The following DOCK5 variants were observed in gnomAD, a reference collection of about 807,000 sequenced individuals.
DOCK5 encodes dedicator of cytokinesis protein 5.
In DOCK5, 142 loss-of-function variants were observed where a neutral mutation model predicts 251.8. The ratio of observed to expected loss-of-function variants is 0.56; its 90% CI spans 0.49 to 0.65. The LOEUF is 0.65. Among genes scored for constraint, DOCK5 ranks in the 30% least tolerant of loss-of-function variants. DOCK5 has a pLI of 0.00. For synonymous variants in DOCK5, 842 were observed against 835.5 expected (o/e 1.01, Z -0.13); for missense variants, 2,111 against 2,312.3 (o/e 0.91, Z 1.79).
chr8:25,307,414 T>C (rs557055370), intron 11 of DOCK5, among the ~76,000 whole-genome samples: 6 of 152,134 alleles, frequency 3.9e-5, no homozygotes, highest in Non-Finnish European at 5.9e-5. Context: ...CCATCATGCC[T>C]GGCCAGCTCC....
chr8:25,217,973 T>G (rs991179268), intron 1 of DOCK5, among the ~76,000 whole-genome samples: 1 of 152,212 alleles, frequency 6.6e-6, no homozygotes, highest in Non-Finnish European at 1.5e-5. Context: ...AAGAAATCAA[T>G]TTAAATAATT....
chr8:25,265,816 A>G (rs73558499), intron 2 of DOCK5, among the ~76,000 whole-genome samples: 5,864 of 151,934 alleles, frequency 0.039, 471 homozygotes, highest in African/African-American at 0.13. Context: ...TGGAGCAGAT[A>G]AGAGTCCTGA....
At chr8:25,227,811 T>C (rs1802569499) in intron 1 of DOCK5, among the ~76,000 whole-genome samples, 1 of 152,254 alleles carries the variant, frequency 6.6e-6, no homozygotes, top group South Asian at 2.1e-4. Context: ...TAATACTTTC[T>C]CTAGTTTTCT....
At chr8:25,350,440 A>G (rs1393182190) in intron 26 of DOCK5, among the ~76,000 whole-genome samples, 1 of 152,206 alleles carries the variant, frequency 6.6e-6, no homozygotes, top group Non-Finnish European at 1.5e-5. Flanking sequence ...AGCCCTACTA[A>G]TTCCAATAAG....
At position 25,399,974 on chromosome 8, in the gene DOCK5, A is replaced by C. The variant is rs1332019086; in HGVS notation, c.4768A>C (p.Lys1590Gln). 4.3e-6 allele frequency: 7 copies of C among 1,613,594 alleles called. No individual in the cohort carries two copies. The highest frequency in any genetic ancestry group is 2.7e-5 in the African/African-American group (2 of 74,900). The change falls in exon 46 of 52, where the codon AAG (lysine) becomes CAG (glutamine). Residue 1590 changes from lysine (K) to glutamine (Q), a missense_variant. By Grantham distance (53) the Lys-to-Gln change is moderately conservative. Transcript: ENST00000276440. ...PEDQEKVELL[K>Q]RLIALQMPLL... ...AGACCAGGAGAAGGTTGAGCTGCTA[A>C]AGCGACTAATAGCATTACAGGTACA... is the stretch of plus-strand genomic sequence containing the variant.
At chr8:25,280,264 T>A (rs1056856331) in intron 5 of DOCK5, among the ~76,000 whole-genome samples, 1 of 152,204 alleles carries the variant, frequency 6.6e-6, no homozygotes, top group Admixed American at 6.5e-5. Context: ...GGAACCCTCC[T>A]CTTTTCTTTA....
intron 48 of DOCK5, among the ~76,000 whole-genome samples, chr8:25,406,242 G>A (rs2117343843): frequency 6.6e-6 from 1 of 152,328 alleles, no homozygotes; most frequent in Non-Finnish European, 1.5e-5. Context: ...ACAGGCGTGA[G>A]CCACCACACC....
chr8:25,364,089 A>G (rs1044133265), intron 29 of DOCK5, among the ~76,000 whole-genome samples: 2 of 152,230 alleles, frequency 1.3e-5, no homozygotes, highest in Non-Finnish European at 2.9e-5. Context: ...GCTAGCCCAC[A>G]ACAAATACTT....
In DOCK5 at chr8:25,304,373, G is replaced by A. The variant is rs372088666; in HGVS notation, c.1049+46G>A. 1.2e-3 allele frequency: 1,779 copies of A among 1,510,364 alleles called. 4 individuals are homozygous for A. The highest frequency in any genetic ancestry group is 1.4e-3 in the Non-Finnish European group (1,604 of 1,117,152). 93.6% of individuals were successfully genotyped at this position (1,510,364 alleles called of 1,614,324 possible). A position where few individuals can be genotyped will look rare whatever the true frequency, so the allele number is the denominator to read the frequency against. Reference sequence around the variant, plus strand: ...CCCAGGTGACTTGAGACCTGGATTAGCCATTCAATTGTCTTTTAACACAGA... The same window carrying A: ...CCCAGGTGACTTGAGACCTGGATTAACCATTCAATTGTCTTTTAACACAGA... On this transcript the variant is annotated intron_variant, in intron 11 of 51. Transcript: ENST00000276440.
intron 5 of DOCK5, among the ~76,000 whole-genome samples, chr8:25,281,973 T>C (rs1392889483): frequency 6.6e-6 from 1 of 152,036 alleles, no homozygotes; most frequent in Non-Finnish European, 1.5e-5. Flanking sequence ...CATAATTATT[T>C]TGGTATTTGT....
intron 49 of DOCK5, 143 bp from the exon 50 acceptor site, chr8:25,408,659 C>T (rs757708502): frequency 1.1e-4 from 100 of 878,422 alleles, no homozygotes; most frequent in Non-Finnish European, 5.8e-5. Flanking sequence ...TCGGTGTTGC[C>T]CATCATATGA....
rs541065285 is a variant in DOCK5 at position 25,194,130 on chromosome 8, A to C, written c.43+9179A>C. ...GCGAAACCCTATCTCTAAAAAATAC[A>C]AAAAAAAAAAAAAATTAGCCAGGTG... On this transcript the variant is annotated intron_variant, in intron 1 of 51. Transcript: ENST00000276440. Among the ~76,000 whole-genome samples, 5 of 10,674 alleles carry C rather than the reference A, an allele frequency of 4.7e-4. No individual in the cohort carries two copies. In the South Asian group the frequency reaches 7.8e-3, roughly 17 times the overall value. 7.0% of individuals were successfully genotyped at this position (10,674 alleles called of 152,430 possible).
rs766749661 is a variant in DOCK5, at chr8:25,342,402, G to A, written c.2512G>A (p.Val838Met). The A allele has an allele frequency of 8.2e-6, 13 of 1,584,472 alleles. No individual in the cohort carries two copies. Among genetic ancestry groups the A allele is most frequent in the African/African-American group, 5.4e-5 (4 of 74,440 alleles). Residue 838 changes from valine to methionine, a missense_variant and splice_region_variant, in exon 25 of 52, where the codon GTG becomes ATG. Val to Met is a conservative substitution (Grantham distance 21, BLOSUM62 1). Around this residue, in one of 3 missense-constraint regions of DOCK5, gnomAD observed 1,717 missense variants for 1,892.4 expected, o/e 0.91. Transcript: ENST00000276440. Reference protein sequence around the residue: ...KLVFDPVELSVLFCKFIQSIP... With the variant: ...KLVFDPVELSMLFCKFIQSIP... Reference sequence around the variant, plus strand: ...CTAACCCTGAGGTTTCTCTCCCAGCGTGCTCTTCTGCAAATTCATTCAAAG... The same window carrying A: ...CTAACCCTGAGGTTTCTCTCCCAGCATGCTCTTCTGCAAATTCATTCAAAG...
intron 5 of DOCK5, among the ~76,000 whole-genome samples, chr8:25,285,962 T>G (rs1327385277): frequency 1.3e-5 from 2 of 152,186 alleles, no homozygotes; most frequent in African/African-American, 4.8e-5. Flanking sequence ...TCTGACCTGG[T>G]TGCCTGGCTG....
intron 44 of DOCK5, among the ~76,000 whole-genome samples, 164 bp from the exon 45 acceptor site, chr8:25,395,379 G>A (rs1801328589): frequency 6.6e-6 from 1 of 152,144 alleles, no homozygotes; most frequent in African/African-American, 2.4e-5. Flanking sequence ...ATACTGGCCT[G>A]GCATTTTGGG....
chr8:25,203,582 T>C (rs549469121), intron 1 of DOCK5, among the ~76,000 whole-genome samples: 1 of 152,304 alleles, frequency 6.6e-6, no homozygotes, highest in Non-Finnish European at 1.5e-5. Flanking sequence ...CAAAAACAAA[T>C]AGCTCACTCC....
At chr8:25,376,045 G>A (rs1171288175) in intron 37 of DOCK5, 2 of 953,698 alleles carry the variant, frequency 2.1e-6, no homozygotes, top group African/African-American at 1.8e-5. Context: ...TTTGCAGTAT[G>A]CTGAGATGGT....
In DOCK5 at chr8:25,218,107, A is replaced by G. The variant is rs1802295076; in HGVS notation, c.44-25567A>G. ...TGAAATCCTGGAGGCAGGTACATGA[A>G]CAAACAGAGCCTGGGAAATCCTGAG... On this transcript the variant is annotated intron_variant, in intron 1 of 51. Transcript: ENST00000276440. Among the ~76,000 whole-genome samples, 2 of 152,264 alleles carry G rather than the reference A, an allele frequency of 1.3e-5. 1 individual carries two copies. The highest frequency in any genetic ancestry group is 1.3e-4 in the Admixed American group (2 of 15,284).
chr8:25,260,722 G>T (rs1803554362), intron 2 of DOCK5, among the ~76,000 whole-genome samples: 1 of 152,070 alleles, frequency 6.6e-6, no homozygotes, highest in African/African-American at 2.4e-5. Context: ...TATAATGAAT[G>T]AATGACCACA....
Sources: allele counts gnomAD v4.1 joint callset (sites outside exome capture counted in the v4.1 genomes callset), GRCh38; gene constraint gnomAD v4.1.1; regional missense constraint gnomAD v4.1.1; transcripts MANE v1.5; gene names NCBI Gene and HGNC (gene_info 2026-07-23, HGNC 2026-07-21).